The following OLFM3 variants were observed in gnomAD, a reference collection of about 807,000 sequenced individuals.
OLFM3 encodes noelin-3.
Under a neutral mutation model 48.6 loss-of-function variants are expected in OLFM3, and 20 were observed. That is an observed-to-expected ratio of 0.41 (90% CI 0.29 to 0.60). The LOEUF (loss-of-function observed/expected upper bound fraction) is 0.60, where lower values mean the gene tolerates loss of function less well. Among genes scored for constraint, OLFM3 ranks in the 20% least tolerant of loss-of-function variants. OLFM3 has a pLI of 0.28. For synonymous variants in OLFM3, 222 were observed against 198.1 expected (o/e 1.12, Z -1.01); for missense variants, 437 against 544.3 (o/e 0.80, Z 1.96).
At chr1:101,833,127 G>C (rs75356080) in intron 2 of OLFM3, among the ~76,000 whole-genome samples, 3,357 of 152,238 alleles carry the variant, frequency 0.022, 108 homozygotes, top group African/African-American at 0.078. Flanking sequence ...GGCAAGATAA[G>C]GTATTCTGGA....
At chr1:101,900,241 C>G (rs1253102495) in intron 1 of OLFM3, among the ~76,000 whole-genome samples, 6 of 152,086 alleles carry the variant, frequency 3.9e-5, no homozygotes, top group Non-Finnish European at 8.8e-5. Flanking sequence ...TCCATGAACA[C>G]AGACTTGAAA....
At chr1:101,885,604 T>C (rs1657721147) in intron 1 of OLFM3, among the ~76,000 whole-genome samples, 1 of 152,036 alleles carries the variant, frequency 6.6e-6, no homozygotes, top group Non-Finnish European at 1.5e-5. Flanking sequence ...CTAATCAATG[T>C]GAAGATAATG....
At chr1:101,936,943 C>T (rs902012452) in intron 1 of OLFM3, among the ~76,000 whole-genome samples, 15 of 152,064 alleles carry the variant, frequency 9.9e-5, no homozygotes, top group African/African-American at 3.1e-4. Flanking sequence ...CCCTTCCGTA[C>T]ATCATATATG....
At chr1:101,850,902 A>G (rs1165774092) in intron 1 of OLFM3, among the ~76,000 whole-genome samples, 1 of 150,952 alleles carries the variant, frequency 6.6e-6, no homozygotes, top group African/African-American at 2.4e-5. Flanking sequence ...GGCTGAAGAA[A>G]TTATTGAAGA....
chr1:101,956,016 C>A (rs1660277401), intron 1 of OLFM3, among the ~76,000 whole-genome samples: 1 of 150,664 alleles, frequency 6.6e-6, no homozygotes, highest in South Asian at 2.1e-4. Context: ...TTACTGGTCA[C>A]CAAATTCTGT....
intron 1 of OLFM3, among the ~76,000 whole-genome samples, chr1:101,840,722 C>T (rs1164310367): frequency 6.6e-6 from 1 of 152,112 alleles, no homozygotes; most frequent in Non-Finnish European, 1.5e-5. Context: ...CTGCCCGCCT[C>T]GGCCTCCCAA....
intron 4 of OLFM3, among the ~76,000 whole-genome samples, chr1:101,819,297 C>T (rs1032262939): frequency 1.3e-5 from 2 of 152,054 alleles, no homozygotes; most frequent in African/African-American, 4.8e-5. Flanking sequence ...GAACTCAAGG[C>T]CTGGAGAATC....
chr1:101,963,481 G>T (rs965044435), intron 1 of OLFM3, among the ~76,000 whole-genome samples: 3 of 151,572 alleles, frequency 2.0e-5, no homozygotes, highest in African/African-American at 7.3e-5. Flanking sequence ...TGTATCAGAA[G>T]GTAGCACCAC....
At chr1:101,942,138 G>A (rs1423650693) in intron 1 of OLFM3, among the ~76,000 whole-genome samples, 1 of 152,106 alleles carries the variant, frequency 6.6e-6, no homozygotes, top group Non-Finnish European at 1.5e-5. Flanking sequence ...ATCATTTTGG[G>A]GTAATGGAAT....
intron 1 of OLFM3, among the ~76,000 whole-genome samples, chr1:101,961,116 T>C (rs1442054614): frequency 6.6e-6 from 1 of 152,088 alleles, no homozygotes; most frequent in Non-Finnish European, 1.5e-5. Context: ...TGCTTATCTA[T>C]AGAACTGGTA....
At chr1:101,838,892 A>G (rs1244274589) in intron 1 of OLFM3, among the ~76,000 whole-genome samples, 2 of 152,216 alleles carry the variant, frequency 1.3e-5, no homozygotes, top group Non-Finnish European at 2.9e-5. Flanking sequence ...GAAGAGACAC[A>G]ATCTCCCGTA....
intron 1 of OLFM3, among the ~76,000 whole-genome samples, chr1:101,938,905 A>G (rs17125793): frequency 0.07 from 10,642 of 152,248 alleles, 443 homozygotes; most frequent in South Asian, 0.14. Context: ...GTCTCTATCT[A>G]GGGCAAATTT....
intron 2 of OLFM3, among the ~76,000 whole-genome samples, chr1:101,834,077 C>T: frequency 6.6e-6 from 1 of 152,098 alleles, no homozygotes; most frequent in East Asian, 1.9e-4. Context: ...TACTGTGAAA[C>T]CAATTATATT....
chr1:101,922,329 T>C (rs1659123908), intron 1 of OLFM3, among the ~76,000 whole-genome samples: 1 of 152,248 alleles, frequency 6.6e-6, no homozygotes, highest in African/African-American at 2.4e-5. Context: ...CTTAATTTAT[T>C]ATGCAGCAGA....
intron 1 of OLFM3, among the ~76,000 whole-genome samples, chr1:101,845,545 G>A (rs994006081): frequency 2.0e-5 from 3 of 152,042 alleles, no homozygotes; most frequent in Non-Finnish European, 2.9e-5. Context: ...TCTGGTACTT[G>A]GACATTGAAA....
chr1:101,946,063 C>A (rs1263108316), intron 1 of OLFM3, among the ~76,000 whole-genome samples: 1 of 152,176 alleles, frequency 6.6e-6, no homozygotes. Context: ...CTGAGGTTAG[C>A]GTGTTCCTAG....
chr1:101,931,540 T>C (rs1392263374), intron 1 of OLFM3, among the ~76,000 whole-genome samples: 2 of 152,240 alleles, frequency 1.3e-5, no homozygotes, highest in Non-Finnish European at 2.9e-5. Context: ...TAATGGTTCA[T>C]GTATTACTGC....
intron 1 of OLFM3, among the ~76,000 whole-genome samples, chr1:101,879,775 A>G (rs892113492): frequency 1.3e-5 from 2 of 151,894 alleles, no homozygotes; most frequent in African/African-American, 4.8e-5. Context: ...TTTACTTGGT[A>G]AATGCATTTT....
intron 1 of OLFM3, among the ~76,000 whole-genome samples, chr1:101,933,539 AT>A (rs1659520846): frequency 6.6e-6 from 1 of 152,178 alleles, no homozygotes; most frequent in Admixed American, 6.5e-5. Context: ...TAGAAAGCAT[AT>A]GATAATATTG....
Sources: allele counts gnomAD v4.1 joint callset (sites outside exome capture counted in the v4.1 genomes callset), GRCh38; gene constraint gnomAD v4.1.1; transcripts MANE v1.5; gene names NCBI Gene and HGNC (gene_info 2026-07-23, HGNC 2026-07-21).